GRK7: variants seen among roughly 807,000 people sequenced by gnomAD.
GRK7 encodes G protein-coupled receptor kinase 7, also known as rhodopsin kinase GRK7.
A neutral mutation model predicts 34.1 loss-of-function variants in GRK7; 24 were observed. The ratio of observed to expected loss-of-function variants is 0.70; its 90% CI spans 0.51 to 0.99. The LOEUF is 0.99. Ranked by LOEUF, GRK7 falls within the 50% of genes least tolerant of loss-of-function variation. The probability of loss-of-function intolerance (pLI) is 0.00; values close to 1 mark genes in which losing one functional copy is unlikely to be tolerated. For missense variants in GRK7, 644 were observed against 707.3 expected (o/e 0.91, Z 1.02); for synonymous variants, 256 against 279.4 (o/e 0.92, Z 0.84).
intron 1 of GRK7, among the ~76,000 whole-genome samples, chr3:141,771,466 G>A (rs2084616571): frequency 7.4e-6 from 1 of 134,662 alleles, no homozygotes; most frequent in East Asian, 2.3e-4. Flanking sequence ...AGGGTAAGAA[G>A]GTGGGAGCAG....
At chr3:141,772,478 T>C (rs941978200) in intron 1 of GRK7, among the ~76,000 whole-genome samples, 8 of 152,358 alleles carry the variant, frequency 5.3e-5, no homozygotes, top group East Asian at 3.9e-4. Context: ...TAAGACCATA[T>C]AGCACTGCAC....
At chr3:141,773,726 T>G (rs988555361) in intron 1 of GRK7, among the ~76,000 whole-genome samples, 5 of 152,214 alleles carry the variant, frequency 3.3e-5, no homozygotes, top group Admixed American at 6.5e-5. Flanking sequence ...ATGGTCGTGA[T>G]TTAAAAGCTA....
chr3:141,805,842 A>T (rs1401433652), intron 4 of GRK7, among the ~76,000 whole-genome samples: 2 of 152,248 alleles, frequency 1.3e-5, no homozygotes, highest in Non-Finnish European at 2.9e-5. Context: ...AAAGTTACCC[A>T]GGCTAGAGTG....
At chr3:141,784,015 G>A (rs2084684138) in intron 4 of GRK7, among the ~76,000 whole-genome samples, 1 of 152,186 alleles carries the variant, frequency 6.6e-6, no homozygotes. Context: ...CTGAGCAGGA[G>A]CGTTCCTTCT....
chr3:141,788,966 C>G (rs1022685094), intron 4 of GRK7, among the ~76,000 whole-genome samples: 1 of 152,146 alleles, frequency 6.6e-6, no homozygotes, highest in African/African-American at 2.4e-5. Flanking sequence ...GTTCAAGCGC[C>G]ACCATGCCTG....
chr3:141,764,599 C>T lies in GRK7; in HGVS notation c.-1354C>T, dbSNP rs2084571145. Among the ~76,000 whole-genome samples, 1 of 152,164 alleles carries T rather than the reference C, an allele frequency of 6.6e-6. No homozygotes were observed. Among genetic ancestry groups the T allele is most frequent in the Non-Finnish European group, 1.5e-5 (1 of 68,036 alleles). On this transcript the variant is annotated 5_prime_UTR_variant, in exon 1 of 6. Transcript: ENST00000682958. The stretch of plus-strand genomic sequence containing the variant: ...ACTCTAGGGCTCAGTCCTTAGATTT[C>T]TCTGCCCTCACCCCAGAGTGATCAC...
chr3:141,807,292 T>C (rs1037493674), intron 4 of GRK7, among the ~76,000 whole-genome samples: 3 of 152,216 alleles, frequency 2.0e-5, no homozygotes, highest in African/African-American at 7.2e-5. Context: ...GGGGATCTTA[T>C]AGACATCCAC....
At chr3:141,787,762 C>G (rs528888966) in intron 4 of GRK7, among the ~76,000 whole-genome samples, 1 of 151,890 alleles carries the variant, frequency 6.6e-6, no homozygotes, top group East Asian at 1.9e-4. Context: ...AATCCCAACA[C>G]TTTGGGAAGC....
chr3:141,764,529 C>T lies in GRK7; in HGVS notation c.-1424C>T, dbSNP rs1384892931. 6.6e-6 allele frequency among the ~76,000 whole-genome samples: 1 copy of T among 152,120 alleles called. No individual in the cohort carries two copies. The highest frequency in any genetic ancestry group is 1.9e-4 in the East Asian group (1 of 5,182). On this transcript the variant is annotated 5_prime_UTR_variant, in exon 1 of 6. Coordinates refer to ENST00000682958, the MANE Select transcript of GRK7 (RefSeq NM_139209.3). ...TCTTTCTTCCCTTGATATCCAGGATCCACATTCTGTCTCTCCTAATACCCC... is the reference window on the plus strand; with the variant it reads ...TCTTTCTTCCCTTGATATCCAGGATTCACATTCTGTCTCTCCTAATACCCC...
At chr3:141,803,368 C>A (rs1416872588) in intron 4 of GRK7, among the ~76,000 whole-genome samples, 1 of 151,410 alleles carries the variant, frequency 6.6e-6, no homozygotes, top group African/African-American at 2.4e-5. Context: ...GAGGTGGAGG[C>A]TACAGCGAGC....
At chr3:141,787,076 A>T (rs1438208177) in intron 4 of GRK7, among the ~76,000 whole-genome samples, 1 of 152,048 alleles carries the variant, frequency 6.6e-6, no homozygotes, top group African/African-American at 2.4e-5. Flanking sequence ...CACCACATAC[A>T]CTTGGAAGAG....
chr3:141,766,489 T>C (rs2084581713), intron 1 of GRK7, among the ~76,000 whole-genome samples: 1 of 151,970 alleles, frequency 6.6e-6, no homozygotes, highest in South Asian at 2.1e-4. Context: ...TTCCTTATTC[T>C]CTCCACTCTC....
chr3:141,784,972 T>C (rs1261886735), intron 4 of GRK7, among the ~76,000 whole-genome samples: 1 of 152,208 alleles, frequency 6.6e-6, no homozygotes, highest in Non-Finnish European at 1.5e-5. Context: ...GCCATCTCAG[T>C]ACTCCTCAGA....
chr3:141,804,889 G>A (rs1711010681), intron 4 of GRK7, among the ~76,000 whole-genome samples: 1 of 148,172 alleles, frequency 6.7e-6, no homozygotes, highest in Non-Finnish European at 1.5e-5. Flanking sequence ...ACACTCACAT[G>A]CACATTAACA....
chr3:141,767,410 T>G (rs553504501), intron 1 of GRK7, among the ~76,000 whole-genome samples: 6 of 152,106 alleles, frequency 3.9e-5, no homozygotes, highest in African/African-American at 1.4e-4. Flanking sequence ...TTTGTTTTTT[T>G]TTTTTGAGAC....
intron 4 of GRK7, among the ~76,000 whole-genome samples, chr3:141,784,400 C>T (rs779066715): frequency 7.2e-5 from 11 of 152,158 alleles, no homozygotes; most frequent in African/African-American, 2.4e-4. Context: ...CCCCAGTTTC[C>T]GGGCCTGCCA....
At chr3:141,786,777 A>G (rs1010395815) in intron 4 of GRK7, among the ~76,000 whole-genome samples, 53 of 134,896 alleles carry the variant, frequency 3.9e-4, no homozygotes, top group African/African-American at 1.4e-3. Context: ...GACTCTCGGA[A>G]AAAAAAAAAA....
chr3:141,781,657 G>A (rs2084673066), intron 4 of GRK7, among the ~76,000 whole-genome samples: 1 of 152,146 alleles, frequency 6.6e-6, no homozygotes, highest in Non-Finnish European at 1.5e-5. Flanking sequence ...GTTTAGTGTG[G>A]AATGGGCGAA....
intron 1 of GRK7, among the ~76,000 whole-genome samples, chr3:141,766,348 A>G (rs1319534243): frequency 1.3e-5 from 2 of 152,048 alleles, no homozygotes; most frequent in Non-Finnish European, 1.5e-5. Flanking sequence ...TATTTTTAGT[A>G]GAGATAGGGT....
Sources: gnomAD v4.1 joint callset for allele counts (sites outside exome capture counted in the v4.1 genomes callset) on GRCh38, gnomAD v4.1.1 for gene constraint, MANE v1.5 for transcripts, NCBI Gene and HGNC (gene_info 2026-07-23, HGNC 2026-07-21) for gene names.